Variants in MSH3 observed in about 807,000 individuals in gnomAD.
MSH3 encodes the protein DNA mismatch repair protein Msh3.
Under a neutral mutation model 123.3 loss-of-function variants are expected in MSH3, and 106 were observed. That is an observed-to-expected ratio of 0.86 (90% CI 0.73 to 1.01). MSH3 has a LOEUF of 1.01. MSH3 is among the 50% of genes least tolerant of loss of function. The probability of loss-of-function intolerance (pLI) is 0.00; values close to 1 mark genes in which losing one functional copy is unlikely to be tolerated. For synonymous variants in MSH3, 515 were observed against 481.4 expected (o/e 1.07, Z -0.91); for missense variants, 1,459 against 1,347.6 (o/e 1.08, Z -1.29).
intron 10 of MSH3, among the ~76,000 whole-genome samples, chr5:80,738,295 T>G (rs532520537): frequency 2.1e-4 from 32 of 152,314 alleles, no homozygotes; most frequent in African/African-American, 7.2e-4. Context: ...TTTAGATACT[T>G]TTTAGCAAGC....
At chr5:80,745,516 G>A (rs1161302852) in intron 12 of MSH3, among the ~76,000 whole-genome samples, 2 of 152,210 alleles carry the variant, frequency 1.3e-5, no homozygotes, top group Non-Finnish European at 2.9e-5. Context: ...TTCATAGCTG[G>A]TAGAGATAAA....
At position 80,665,237 on chromosome 5, in the gene MSH3, C is replaced by T. The variant is rs2112808816; in HGVS notation, c.453C>T (p.Val151=). Residue 151 remains valine (V), a synonymous_variant, in exon 3 of 24, where the codon GTC becomes GTT. Transcript: ENST00000265081. ...CCDSALPQSR[V]QTESLQERFA... ...ATTCTGCCCTTCCTCAAAGTAGAGTCCAGACAGAATCTCTGCAGGAGAGAT... is the reference window on the plus strand; with the variant it reads ...ATTCTGCCCTTCCTCAAAGTAGAGTTCAGACAGAATCTCTGCAGGAGAGAT... The T allele has an allele frequency of 6.2e-7, 1 of 1,614,004 alleles. No individual in the cohort carries two copies. The highest frequency in any genetic ancestry group is 8.5e-7 in the Non-Finnish European group (1 of 1,179,910).
chr5:80,705,284 T>A (rs1750694947), intron 8 of MSH3, among the ~76,000 whole-genome samples: 1 of 152,214 alleles, frequency 6.6e-6, no homozygotes, highest in South Asian at 2.1e-4. Flanking sequence ...TAATCTTAGC[T>A]GTACATTGGG....
intron 10 of MSH3, among the ~76,000 whole-genome samples, chr5:80,737,250 T>C (rs1256746962): frequency 1.3e-5 from 2 of 152,208 alleles, no homozygotes; most frequent in African/African-American, 4.8e-5. Context: ...ATAGATTTCA[T>C]GTGTTATATG....
chr5:80,747,111 T>A (rs901609371), intron 12 of MSH3, among the ~76,000 whole-genome samples: 1 of 152,172 alleles, frequency 6.6e-6, no homozygotes. Context: ...ACAAGATGGC[T>A]TTCTGTGGAC....
intron 20 of MSH3, among the ~76,000 whole-genome samples, chr5:80,851,498 T>C (rs1745829202): frequency 6.6e-6 from 1 of 152,230 alleles, no homozygotes; most frequent in Non-Finnish European, 1.5e-5. Context: ...CCTGTTTTTC[T>C]GTTCACCATT....
At chr5:80,852,734 C>T (rs1425665710) in intron 20 of MSH3, among the ~76,000 whole-genome samples, 4 of 152,208 alleles carry the variant, frequency 2.6e-5, no homozygotes, top group Non-Finnish European at 5.9e-5. Context: ...AGGCTCTGCC[C>T]ATGTGTTGAC....
intron 19 of MSH3, among the ~76,000 whole-genome samples, chr5:80,807,990 A>G (rs1185823965): frequency 6.6e-6 from 1 of 152,168 alleles, no homozygotes; most frequent in Non-Finnish European, 1.5e-5. Flanking sequence ...TTATTTGAGG[A>G]CCTGCTGTAT....
chr5:80,854,073 C>A, intron 20 of MSH3, 57 bp from the exon 21 acceptor site: 1 of 1,352,560 alleles, frequency 7.4e-7, no homozygotes, highest in Non-Finnish European at 1.1e-6. Flanking sequence ...AAATAATGTT[C>A]GGCTTCCTAA....
intron 20 of MSH3, among the ~76,000 whole-genome samples, chr5:80,835,310 G>A (rs1182290551): frequency 6.6e-6 from 1 of 152,166 alleles, no homozygotes; most frequent in Middle Eastern, 3.2e-3. Context: ...CTGAGAGACT[G>A]TCTGGGGTTT....
intron 2 of MSH3, among the ~76,000 whole-genome samples, chr5:80,658,972 G>A (rs879785112): frequency 6.6e-6 from 1 of 152,108 alleles, no homozygotes; most frequent in Non-Finnish European, 1.5e-5. Flanking sequence ...GGTGGCTCAC[G>A]CCTGTAATCC....
intron 15 of MSH3, among the ~76,000 whole-genome samples, chr5:80,771,275 G>A (rs1003106584): frequency 2.0e-5 from 3 of 152,062 alleles, no homozygotes; most frequent in Non-Finnish European, 2.9e-5. Context: ...CTTGAGCTCC[G>A]GAGTTCAAGA....
Position 80,854,158 on chromosome 5 carries a change from G to A in MSH3, c.2842G>A (p.Gly948Arg). Residue 948 changes from glycine to arginine, a missense_variant, in exon 21 of 24, where the codon GGA (glycine) becomes AGA (arginine). By Grantham distance (125) the Gly-to-Arg change is moderately radical. Coordinates refer to ENST00000265081, the MANE Select transcript of MSH3 (RefSeq NM_002439.5). ...RMGAADNIYK[G>R]QSTFMEELTD... ...GGGTGCTGCAGACAATATATATAAAGGACAGAGTACATTTATGGAAGAACT... is the reference window on the plus strand; with the variant it reads ...GGGTGCTGCAGACAATATATATAAAAGACAGAGTACATTTATGGAAGAACT... The A allele has an allele frequency of 6.2e-7, 1 of 1,613,538 alleles. No individual in the cohort carries two copies. Among genetic ancestry groups the A allele is most frequent in the Non-Finnish European group, 8.5e-7 (1 of 1,179,670 alleles).
At chr5:80,778,200 C>T (rs1357140808) in intron 16 of MSH3, among the ~76,000 whole-genome samples, 1 of 152,206 alleles carries the variant, frequency 6.6e-6, no homozygotes, top group African/African-American at 2.4e-5. Context: ...CACTGTGAAT[C>T]TGCACAGATC....
intron 15 of MSH3, among the ~76,000 whole-genome samples, chr5:80,774,860 CA>C (rs910283485): frequency 6.6e-6 from 1 of 151,348 alleles, no homozygotes; most frequent in South Asian, 2.1e-4. Flanking sequence ...TTAATGGATA[CA>C]AAAAAACCAG....
chr5:80,816,899 A>C (rs1745110790), intron 20 of MSH3, among the ~76,000 whole-genome samples: 1 of 152,218 alleles, frequency 6.6e-6, no homozygotes, highest in South Asian at 2.1e-4. Flanking sequence ...GTGTATAATA[A>C]GTAGAATTAT....
intron 17 of MSH3, among the ~76,000 whole-genome samples, chr5:80,786,132 T>TA (rs756166614): frequency 5.3e-5 from 8 of 151,886 alleles, no homozygotes; most frequent in South Asian, 4.2e-4. Context: ...CCCTAAAACT[T>TA]AAAGTATAAT....
intron 10 of MSH3, among the ~76,000 whole-genome samples, chr5:80,733,007 A>T (rs1229124861): frequency 6.6e-6 from 1 of 152,170 alleles, no homozygotes; most frequent in Admixed American, 6.5e-5. Flanking sequence ...GCTTCCTTGG[A>T]GAAATTGACA....
At chr5:80,774,987 G>C (rs1025130666) in intron 15 of MSH3, among the ~76,000 whole-genome samples, 11 of 152,126 alleles carry the variant, frequency 7.2e-5, no homozygotes, top group African/African-American at 2.7e-4. Context: ...AAAGATAAAT[G>C]CTTGAGGAGA....
Sources: allele counts gnomAD v4.1 joint callset (sites outside exome capture counted in the v4.1 genomes callset), GRCh38; gene constraint gnomAD v4.1.1; transcripts MANE v1.5; gene names NCBI Gene and HGNC (gene_info 2026-07-23, HGNC 2026-07-21).